The following SPPL2B variants were observed in gnomAD, a reference collection of about 807,000 sequenced individuals.
The protein encoded by SPPL2B is signal peptide peptidase-like 2B.
Under a neutral mutation model 59.7 loss-of-function variants are expected in SPPL2B, and 39 were observed. That is an observed-to-expected ratio of 0.65 (90% CI 0.51 to 0.85). The LOEUF (loss-of-function observed/expected upper bound fraction) is 0.85, where lower values mean the gene tolerates loss of function less well. Ranked by LOEUF, SPPL2B falls within the 40% of genes least tolerant of loss-of-function variation. The probability of loss-of-function intolerance (pLI) is 0.00; values close to 1 mark genes in which losing one functional copy is unlikely to be tolerated. For missense variants in SPPL2B, 865 were observed against 849.0 expected (o/e 1.02, Z -0.23); for synonymous variants, 419 against 370.8 (o/e 1.13, Z -1.49).
chr19:2,340,709 C>T (rs1968978357), intron 7 of SPPL2B, among the ~76,000 whole-genome samples, 189 bp from the exon 8 acceptor site: 2 of 152,006 alleles, frequency 1.3e-5, no homozygotes, highest in South Asian at 2.1e-4. Context: ...CAGCGCCTGC[C>T]CGGGTCGGGC....
intron 13 of SPPL2B, 123 bp downstream of exon 13, chr19:2,345,453 C>T: frequency 1.2e-6 from 1 of 820,396 alleles, no homozygotes; most frequent in Non-Finnish European, 2.0e-6. Context: ...AACTCTAACA[C>T]CGTAACCATA....
chr19:2,348,179 C>T (rs11669218), intron 13 of SPPL2B, among the ~76,000 whole-genome samples: 3 of 125,984 alleles, frequency 2.4e-5, no homozygotes, highest in African/African-American at 3.1e-5. Flanking sequence ...CACACTCGCG[C>T]TCTCATTCGC....
rs571941527 is a variant in SPPL2B at position 2,343,291 on chromosome 19, A to G, written c.1037A>G (p.Lys346Arg). ...AAGACCATCCGTCTGCCCACCTTCA[A>G]GGTGAGTGCAGGGAGGGCACGGCTG... Reference protein sequence around the residue: ...MLKTIRLPTFKACTLLLLVLF... With the variant: ...MLKTIRLPTFRACTLLLLVLF... The change falls in exon 9 of 15, where the codon AAG becomes AGG. Residue 346 changes from lysine (K) to arginine (R), a missense_variant and splice_region_variant. Physicochemically the swap from Lys to Arg is conservative, Grantham distance 26. Coordinates refer to ENST00000613503, the MANE Select transcript of SPPL2B (RefSeq NM_152988.3). 1.0e-5 allele frequency: 16 copies of G among 1,552,100 alleles called. No homozygotes were observed. The highest frequency in any genetic ancestry group is 2.7e-5 in the African/African-American group (2 of 73,246).
chr19:2,350,887 G>A (rs1402446685), intron 13 of SPPL2B, among the ~76,000 whole-genome samples: 3 of 152,238 alleles, frequency 2.0e-5, no homozygotes, highest in Non-Finnish European at 2.9e-5. Flanking sequence ...ACATGCACAC[G>A]TATGTAAATC....
chr19:2,344,005 T>C lies in SPPL2B; in HGVS notation c.1079T>C (p.Ile360Thr). 1.3e-6 allele frequency: 2 copies of C among 1,548,310 alleles called. No homozygotes were observed. Among genetic ancestry groups the C allele is most frequent in the South Asian group, 1.2e-5 (1 of 83,964 alleles). ...CTGCTGGTGCTGTTCCTCTACGACA[T>C]CTTCTTCGTGTTCATCACGCCCTTC... ...LLLLVLFLYD[I>T]FFVFITPFLT... Residue 360 changes from isoleucine (I) to threonine (T), a missense_variant, in exon 10 of 15, where the codon ATC becomes ACC. Transcript: ENST00000613503.
At chr19:2,351,003 T>C (rs576618345) in intron 13 of SPPL2B, among the ~76,000 whole-genome samples, 1 of 152,376 alleles carries the variant, frequency 6.6e-6, no homozygotes, top group African/African-American at 2.4e-5. Context: ...ATAGTTTATA[T>C]GCCCACAGCT....
Position 2,346,338 on chromosome 19 carries a change from G to A in SPPL2B, c.1354+1008G>A, listed in dbSNP as rs797021988. On this transcript the variant is annotated intron_variant, in intron 13 of 14. Coordinates refer to ENST00000613503, the MANE Select transcript of SPPL2B (RefSeq NM_152988.3). Reference sequence around the variant, plus strand: ...TGCAGGTGCCCCTGGCTTTCCCCTCGCCCGATTTTACTGTCTTCATGATTA... The same window carrying A: ...TGCAGGTGCCCCTGGCTTTCCCCTCACCCGATTTTACTGTCTTCATGATTA... Among the ~76,000 whole-genome samples the A allele has an allele frequency of 1.8e-4, 27 of 152,312 alleles. 1 individual carries two copies. Among genetic ancestry groups the A allele is most frequent in the Admixed American group, 5.2e-4 (8 of 15,296 alleles).
intron 13 of SPPL2B, among the ~76,000 whole-genome samples, chr19:2,350,890 T>G (rs1969890440): frequency 6.6e-6 from 1 of 152,220 alleles, no homozygotes; most frequent in African/African-American, 2.4e-5. Context: ...TGCACACGTA[T>G]GTAAATCACA....
At chr19:2,348,186 T>A (rs1474073588) in intron 13 of SPPL2B, among the ~76,000 whole-genome samples, 31 of 112,340 alleles carry the variant, frequency 2.8e-4, no homozygotes, top group African/African-American at 1.0e-3. Context: ...GCGCTCTCAT[T>A]CGCTTGATTC....
chr19:2,345,026 G>C (rs1285074826), intron 12 of SPPL2B, among the ~76,000 whole-genome samples: 1 of 152,138 alleles, frequency 6.6e-6, no homozygotes, highest in African/African-American at 2.4e-5. Context: ...GTCCTGCCAG[G>C]TGTGTCTGCC....
intron 9 of SPPL2B, 77 bp from the exon 10 acceptor site, chr19:2,343,887 AG>A: frequency 1.8e-6 from 2 of 1,112,566 alleles, no homozygotes; most frequent in Non-Finnish European, 2.6e-6. Flanking sequence ...TCCCAGGAGG[AG>A]GCGCTGGGCC....
At position 2,344,793 on chromosome 19, in the gene SPPL2B, C is replaced by T. The variant is rs138251101; in HGVS notation, c.1276+141C>T. On this transcript the variant is annotated intron_variant, in intron 12 of 14. Transcript: ENST00000613503. ...GGGTCAGAGTCGGGCAGGTTGGGGC[C>T]GTTGAGGCCTGGGTGCCTGGGCAGC... 2.3e-4 allele frequency: 153 copies of T among 663,512 alleles called. No individual in the cohort carries two copies. In the East Asian group the frequency reaches 3.3e-3, roughly 14 times the overall value. The allele number at this position is 663,512 out of a possible 1,614,324, so 41.1% of individuals were successfully genotyped here. A position where few individuals can be genotyped will look rare whatever the true frequency, so the allele number is the denominator to read the frequency against.
At chr19:2,330,230 C>T (rs1263631828) in intron 1 of SPPL2B, 2 of 151,650 alleles carry the variant, frequency 1.3e-5, no homozygotes, top group Admixed American at 1.3e-4. Flanking sequence ...ACCTCAGCCT[C>T]CCGAATAGCT....
intron 13 of SPPL2B, among the ~76,000 whole-genome samples, chr19:2,349,311 A>G (rs199914753): frequency 5.1e-5 from 1 of 19,682 alleles, no homozygotes; most frequent in Admixed American, 4.9e-4. Flanking sequence ...CTCCACACAC[A>G]CGCGCTCTCA....
chr19:2,340,800 A>C (rs1054911310), intron 7 of SPPL2B, 98 bp from the exon 8 acceptor site: 1 of 670,662 alleles, frequency 1.5e-6, no homozygotes, highest in East Asian at 2.7e-5. Context: ...GGGGGCTGCC[A>C]CTCTGCAGGG....
In SPPL2B at chr19:2,334,721, A is replaced by G. The variant is rs1280517732; in HGVS notation, c.186A>G (p.Ala62=). ...ATCTTCCGCACGACCTCAGCAAGGC[A>G]GTGAGTACCCGCTGGCCGGGCGCCG... ...WAHLPHDLSK[A]SFLQLRNWTA... The change falls in exon 2 of 15, where the codon GCA becomes GCG. Residue 62 remains alanine (A), a splice_region_variant and synonymous_variant. Coordinates refer to ENST00000613503, the MANE Select transcript of SPPL2B (RefSeq NM_152988.3). 6.3e-7 allele frequency: 1 copy of G among 1,597,524 alleles called. No homozygotes were observed. The highest frequency in any genetic ancestry group is 1.7e-5 in the Admixed American group (1 of 58,200).
chr19:2,350,064 ACT>A (rs1407136563), intron 13 of SPPL2B, among the ~76,000 whole-genome samples: 15 of 143,506 alleles, frequency 1.0e-4, no homozygotes, highest in Admixed American at 2.1e-4. Flanking sequence ...CTCTCCACAC[ACT>A]CACGCGCTCT....
At chr19:2,338,989 C>G in intron 4 of SPPL2B, 80 bp from the exon 5 acceptor site, 4 of 1,508,060 alleles carry the variant, frequency 2.7e-6, no homozygotes, top group Non-Finnish European at 3.6e-6. Context: ...CCAGCCCCAG[C>G]CCCACAGCCC....
intron 3 of SPPL2B, chr19:2,338,423 C>A: frequency 4.7e-6 from 1 of 213,752 alleles, no homozygotes; most frequent in Non-Finnish European, 9.3e-6. Context: ...CTCAAGGCGG[C>A]TTAGTGGGCA....
Sources: gnomAD v4.1 joint callset for allele counts (sites outside exome capture counted in the v4.1 genomes callset) on GRCh38, gnomAD v4.1.1 for gene constraint, MANE v1.5 for transcripts, NCBI Gene and HGNC (gene_info 2026-07-23, HGNC 2026-07-21) for gene names.